Variants in PRKD1 observed in about 807,000 individuals in gnomAD.
PRKD1 encodes protein kinase D1, also known as serine/threonine-protein kinase D1.
Under a neutral mutation model 95.9 loss-of-function variants are expected in PRKD1, and 63 were observed. That is an observed-to-expected ratio of 0.66 (90% CI 0.54 to 0.81). The LOEUF is 0.81. PRKD1 is among the 30% of genes least tolerant of loss of function. The probability of loss-of-function intolerance (pLI) is 0.00; values close to 1 mark genes in which losing one functional copy is unlikely to be tolerated. For synonymous variants in PRKD1, 425 were observed against 423.1 expected (o/e 1.00, Z -0.05); for missense variants, 1,048 against 1,165.3 (o/e 0.90, Z 1.47).
chr14:29,719,178 C>G (rs1049995647), intron 2 of PRKD1, among the ~76,000 whole-genome samples: 1 of 151,844 alleles, frequency 6.6e-6, no homozygotes, highest in Non-Finnish European at 1.5e-5. Context: ...ATATAGTGAC[C>G]CTAAGACACT....
intron 4 of PRKD1, among the ~76,000 whole-genome samples, chr14:29,651,213 C>T (rs1881474385): frequency 6.6e-6 from 1 of 152,156 alleles, no homozygotes; most frequent in African/African-American, 2.4e-5. Context: ...ATCCCACACC[C>T]CTAAAAGAGC....
At chr14:29,911,171 AG>A (rs1229272310) in intron 1 of PRKD1, among the ~76,000 whole-genome samples, 1 of 152,208 alleles carries the variant, frequency 6.6e-6, no homozygotes. Flanking sequence ...GAACTACTTA[AG>A]AACATATAAA....
intron 2 of PRKD1, among the ~76,000 whole-genome samples, chr14:29,699,869 A>T (rs1884739074): frequency 6.6e-6 from 1 of 152,170 alleles, no homozygotes; most frequent in African/African-American, 2.4e-5. Flanking sequence ...TTTAAGGCAA[A>T]ACCACATTGT....
At chr14:29,845,862 T>A (rs1039099235) in intron 1 of PRKD1, among the ~76,000 whole-genome samples, 2 of 152,156 alleles carry the variant, frequency 1.3e-5, no homozygotes, top group African/African-American at 4.8e-5. Context: ...AATGTACTGA[T>A]TCCCCTGCCA....
intron 1 of PRKD1, among the ~76,000 whole-genome samples, chr14:29,787,658 C>T (rs2139185554): frequency 6.6e-6 from 1 of 152,140 alleles, no homozygotes; most frequent in East Asian, 1.9e-4. Flanking sequence ...CTCTTGCACA[C>T]TTTTGATTTC....
chr14:29,784,942 T>C (rs1302971575), intron 1 of PRKD1, among the ~76,000 whole-genome samples: 1 of 152,220 alleles, frequency 6.6e-6, no homozygotes, highest in Non-Finnish European at 1.5e-5. Context: ...AACCAGCTTA[T>C]AGAGGCTGCA....
chr14:29,869,479 C>T (rs990527071), intron 1 of PRKD1, among the ~76,000 whole-genome samples: 14 of 151,752 alleles, frequency 9.2e-5, no homozygotes, highest in African/African-American at 3.1e-4. Context: ...AAATATTTGC[C>T]TATGCTGAAC....
intron 1 of PRKD1, among the ~76,000 whole-genome samples, chr14:29,739,932 G>A (rs1337547393): frequency 2.6e-5 from 4 of 152,092 alleles, no homozygotes; most frequent in Non-Finnish European, 5.9e-5. Flanking sequence ...TCTGTGTATA[G>A]ACTTCCTGGA....
intron 1 of PRKD1, among the ~76,000 whole-genome samples, chr14:29,730,298 A>G (rs1303793824): frequency 1.3e-5 from 2 of 152,084 alleles, no homozygotes; most frequent in Admixed American, 6.5e-5. Flanking sequence ...AGAAGTGCAA[A>G]TTAAAAACAC....
chr14:29,771,641 G>A (rs1888512187), intron 1 of PRKD1, among the ~76,000 whole-genome samples: 2 of 152,166 alleles, frequency 1.3e-5, no homozygotes, highest in African/African-American at 4.8e-5. Context: ...AGCCATGGGA[G>A]TACAGGCACC....
At chr14:29,731,393 T>C (rs188309435) in intron 1 of PRKD1, among the ~76,000 whole-genome samples, 222 of 152,336 alleles carry the variant, frequency 1.5e-3, no homozygotes, top group African/African-American at 4.8e-3. Context: ...TATGTGCATC[T>C]GAAAATAATG....
chr14:29,614,661 C>G (rs1278053934), intron 13 of PRKD1, among the ~76,000 whole-genome samples: 1 of 151,666 alleles, frequency 6.6e-6, no homozygotes, highest in Non-Finnish European at 1.5e-5. Flanking sequence ...ATATTTTAGA[C>G]ATTTAAAATG....
intron 2 of PRKD1, among the ~76,000 whole-genome samples, chr14:29,675,262 T>A (rs1036740340): frequency 6.6e-6 from 1 of 152,198 alleles, no homozygotes; most frequent in Non-Finnish European, 1.5e-5. Context: ...TTCCATCAGG[T>A]TTATTGAGAT....
At chr14:29,798,879 T>G (rs1271650413) in intron 1 of PRKD1, among the ~76,000 whole-genome samples, 2 of 152,228 alleles carry the variant, frequency 1.3e-5, no homozygotes. Context: ...TTTTCTTTTC[T>G]GTTAAATAAT....
intron 2 of PRKD1, among the ~76,000 whole-genome samples, chr14:29,696,478 T>C (rs773843672): frequency 2.0e-5 from 3 of 152,188 alleles, no homozygotes; most frequent in Non-Finnish European, 2.9e-5. Flanking sequence ...GTTCATACTT[T>C]AAAATGCCTA....
At chr14:29,780,225 T>C (rs1239227430) in intron 1 of PRKD1, among the ~76,000 whole-genome samples, 1 of 152,174 alleles carries the variant, frequency 6.6e-6, no homozygotes, top group Non-Finnish European at 1.5e-5. Context: ...GACATAGGCA[T>C]GGGCAAGGAC....
chr14:29,870,067 G>A (rs1893050432), intron 1 of PRKD1, among the ~76,000 whole-genome samples: 1 of 152,108 alleles, frequency 6.6e-6, no homozygotes, highest in East Asian at 1.9e-4. Context: ...CCGAGGTGGG[G>A]CAAATAAAAG....
chr14:29,628,090 G>A (rs148145155), intron 11 of PRKD1, among the ~76,000 whole-genome samples: 1 of 152,146 alleles, frequency 6.6e-6, no homozygotes, highest in African/African-American at 2.4e-5. Flanking sequence ...ATAGGAATCT[G>A]CAGAAAAGAA....
At chr14:29,852,994 C>G (rs1016493895) in intron 1 of PRKD1, among the ~76,000 whole-genome samples, 9 of 152,096 alleles carry the variant, frequency 5.9e-5, no homozygotes, top group Non-Finnish European at 1.3e-4. Context: ...ACATGAGACT[C>G]ACTTTAGATT....
Sources: gnomAD v4.1 joint callset for allele counts (sites outside exome capture counted in the v4.1 genomes callset) on GRCh38, gnomAD v4.1.1 for gene constraint, MANE v1.5 for transcripts, NCBI Gene and HGNC (gene_info 2026-07-23, HGNC 2026-07-21) for gene names.